Variants in SKI observed in about 807,000 individuals in gnomAD.
SKI encodes the protein ski oncogene.
In SKI, 23 loss-of-function variants were observed where a neutral mutation model predicts 59.3. That is an observed-to-expected ratio of 0.39 (90% CI 0.28 to 0.55). SKI has a LOEUF of 0.55. SKI is among the 20% of genes least tolerant of loss of function. The probability of loss-of-function intolerance (pLI) is 0.67; values close to 1 mark genes in which losing one functional copy is unlikely to be tolerated. For missense variants in SKI, 1,017 were observed against 1,038.9 expected (o/e 0.98, Z 0.29); for synonymous variants, 673 against 488.6 (o/e 1.38, Z -4.98).
intron 6 of SKI, 88 bp downstream of exon 6, chr1:2,306,338 G>A (rs1470758639): frequency 7.8e-6 from 10 of 1,279,534 alleles, no homozygotes; most frequent in Non-Finnish European, 1.1e-5. Flanking sequence ...AGCCGGAAAG[G>A]CCTTGGAGCA....
At position 2,229,076 on chromosome 1, in the gene SKI, G is replaced by T. The variant is rs1294100167; in HGVS notation, c.310G>T (p.Val104Leu). 1.2e-6 allele frequency: 2 copies of T among 1,608,138 alleles called. No individual in the cohort carries two copies. Among genetic ancestry groups the T allele is most frequent in the South Asian group, 2.2e-5 (2 of 91,064 alleles). Residue 104 changes from valine to leucine, a missense_variant, in exon 1 of 7, where the codon GTA becomes TTA. Coordinates refer to ENST00000378536, the MANE Select transcript of SKI (RefSeq NM_003036.4). This position sits in a 1 kb window ranked among gnomAD's most constrained non-coding sequence, Gnocchi z 6.3. ...CCGCTCCACCGAGCGCTGCGAGACCGTACTGGAAGGCGAGACCATCTCGTG... is the reference window on the plus strand; with the variant it reads ...CCGCTCCACCGAGCGCTGCGAGACCTTACTGGAAGGCGAGACCATCTCGTG... The part of the protein sequence containing the change: ...SDRSTERCET[V>L]LEGETISCFV...
intron 1 of SKI, among the ~76,000 whole-genome samples, chr1:2,249,356 AGCCGT>A (rs774799287): frequency 6.6e-6 from 1 of 152,236 alleles, no homozygotes; most frequent in Non-Finnish European, 1.5e-5. Context: ...CCACGCAGAC[AGCCGT>A]GCCACCAGGA....
chr1:2,290,223 G>A (rs1032675388), intron 1 of SKI, among the ~76,000 whole-genome samples: 1 of 152,096 alleles, frequency 6.6e-6, no homozygotes, highest in Non-Finnish European at 1.5e-5. Flanking sequence ...GCAAGTCCCG[G>A]GGCTCCTGGG....
rs552063715 is a variant in SKI, at chr1:2,230,953, C to T, written c.969+1218C>T. On this transcript the variant is annotated intron_variant, in intron 1 of 6. Coordinates refer to ENST00000378536, the MANE Select transcript of SKI (RefSeq NM_003036.4). ...TGTCGCCTCTGCTCGGAGGGGGCTG[C>T]GGAGGGTGCATGTGTGTGTGCATGT... 1.2e-3 allele frequency among the ~76,000 whole-genome samples: 190 copies of T among 152,072 alleles called. 1 individual carries two copies. The highest frequency in any genetic ancestry group is 4.2e-3 in the African/African-American group (176 of 41,476).
At chr1:2,292,919 C>T (rs572973408) in intron 1 of SKI, among the ~76,000 whole-genome samples, 1 of 152,348 alleles carries the variant, frequency 6.6e-6, no homozygotes, top group East Asian at 1.9e-4. Flanking sequence ...GTGGCACCCT[C>T]TCCCAGCCGA....
At chr1:2,240,736 C>G (rs937195575) in intron 1 of SKI, 2 of 985,402 alleles carry the variant, frequency 2.0e-6, no homozygotes, top group Non-Finnish European at 2.4e-6. Context: ...GGCGCAGACA[C>G]GGACTTCACC....
intron 1 of SKI, among the ~76,000 whole-genome samples, chr1:2,256,260 T>C (rs1557823547): frequency 6.6e-6 from 1 of 152,208 alleles, no homozygotes; most frequent in African/African-American, 2.4e-5. Flanking sequence ...CCTCATTTCC[T>C]GTCTGGAGCT....
chr1:2,263,282 G>A (rs954379733), intron 1 of SKI, among the ~76,000 whole-genome samples: 8 of 148,486 alleles, frequency 5.4e-5, no homozygotes, highest in African/African-American at 2.0e-4. Flanking sequence ...CTGTCGCCCA[G>A]GCTGGAGTGC....
intron 1 of SKI, among the ~76,000 whole-genome samples, chr1:2,263,187 C>CA (rs1016074582): frequency 4.6e-5 from 7 of 151,628 alleles, no homozygotes; most frequent in African/African-American, 7.3e-5. Flanking sequence ...AGGCATGTGC[C>CA]ACTGTGTTTG....
chr1:2,295,213 C>T (rs1640256217), intron 1 of SKI, among the ~76,000 whole-genome samples: 4 of 152,164 alleles, frequency 2.6e-5, no homozygotes, highest in East Asian at 1.9e-4. Flanking sequence ...GGCAGCCCTG[C>T]GCCAGGAGCT....
At chr1:2,247,498 C>T (rs1639025148) in intron 1 of SKI, among the ~76,000 whole-genome samples, 1 of 152,220 alleles carries the variant, frequency 6.6e-6, no homozygotes, top group South Asian at 2.1e-4. Context: ...TGCCACCTCA[C>T]AGAAGCCTGT....
At chr1:2,257,127 A>C (rs569513308) in intron 1 of SKI, among the ~76,000 whole-genome samples, 1 of 152,100 alleles carries the variant, frequency 6.6e-6, no homozygotes, top group Non-Finnish European at 1.5e-5. Context: ...TAAGATATCT[A>C]TCTCTTTGTA....
At chr1:2,241,339 G>A (rs946338139) in intron 1 of SKI, among the ~76,000 whole-genome samples, 4 of 152,200 alleles carry the variant, frequency 2.6e-5, no homozygotes, top group African/African-American at 9.7e-5. Flanking sequence ...GTTATCCACA[G>A]CTCACTCATT....
intron 1 of SKI, among the ~76,000 whole-genome samples, chr1:2,300,580 C>A (rs1403633438): frequency 6.6e-6 from 1 of 152,196 alleles, no homozygotes; most frequent in Non-Finnish European, 1.5e-5. Flanking sequence ...TTTGAGAAAC[C>A]AATACTGCTC....
At chr1:2,255,325 C>T (rs1023276479) in intron 1 of SKI, among the ~76,000 whole-genome samples, 3 of 152,260 alleles carry the variant, frequency 2.0e-5, no homozygotes, top group Non-Finnish European at 4.4e-5. Flanking sequence ...CACGTGCTGA[C>T]ACCTTGCGTC....
At chr1:2,240,503 G>A (rs914019477) in intron 1 of SKI, 19 of 985,326 alleles carry the variant, frequency 1.9e-5, no homozygotes, top group Middle Eastern at 5.2e-4. Flanking sequence ...GGGTGGTGGC[G>A]GGTGGTGGCT....
In SKI at chr1:2,267,618, C is replaced by T. The variant is rs11588312; in HGVS notation, c.970-35360C>T. ...GGTCAGCACTGCACTCTGCTCTCAT[C>T]GGAAGCTGGGCAGTGGCCAGAGGCC... On this transcript the variant is annotated intron_variant, in intron 1 of 6. Coordinates refer to ENST00000378536, the MANE Select transcript of SKI (RefSeq NM_003036.4). This position sits in a 1 kb window ranked among gnomAD's most constrained non-coding sequence, Gnocchi z 4.1. Among the ~76,000 whole-genome samples the T allele has an allele frequency of 0.074, 11,218 of 152,088 alleles. 494 individuals are homozygous for T. The highest frequency in any genetic ancestry group is 0.15 in the Middle Eastern group (44 of 294).
At chr1:2,292,068 G>A (rs1640173841) in intron 1 of SKI, among the ~76,000 whole-genome samples, 2 of 152,310 alleles carry the variant, frequency 1.3e-5, no homozygotes, top group Admixed American at 1.3e-4. Context: ...TTCAGAGAAG[G>A]CCCATAGCTC....
rs1639544679 is a variant in SKI, at chr1:2,268,431, CTTG to C, written c.970-34544_970-34542del. ...TCTGCGTGGCGCTGATGGAGGGCCT[CTTG>C]TTAAGGGGGCACGGTAGTGAGTCAG... is the stretch of plus-strand genomic sequence containing the variant. On this transcript the variant is annotated intron_variant, in intron 1 of 6. Transcript: ENST00000378536. The surrounding 1 kb of genome is among the most constrained non-coding windows in gnomAD (Gnocchi z 5.0). Among the ~76,000 whole-genome samples the C allele has an allele frequency of 6.6e-6, 1 of 152,166 alleles. No homozygotes were observed. The highest frequency in any genetic ancestry group is 1.5e-5 in the Non-Finnish European group (1 of 68,004).
Sources: gnomAD v4.1 joint callset for allele counts (sites outside exome capture counted in the v4.1 genomes callset) on GRCh38, gnomAD v4.1.1 for gene constraint, Gnocchi (gnomAD v3.1) non-coding constraint, MANE v1.5 for transcripts, NCBI Gene and HGNC (gene_info 2026-07-23, HGNC 2026-07-21) for gene names.